FAM131A: variants seen among roughly 807,000 people sequenced by gnomAD.
FAM131A encodes the protein protein FAM131A.
In FAM131A, 24 loss-of-function variants were observed where a neutral mutation model predicts 39.2. That is an observed-to-expected ratio of 0.61 (90% CI 0.44 to 0.86). FAM131A has a LOEUF of 0.86. Among genes scored for constraint, FAM131A ranks in the 40% least tolerant of loss-of-function variants. The probability of loss-of-function intolerance (pLI) is 0.00; values close to 1 mark genes in which losing one functional copy is unlikely to be tolerated. For synonymous variants in FAM131A, 202 were observed against 206.8 expected, an observed-to-expected ratio of 0.98 and a Z score of 0.20; for missense variants, 373 against 481.2, an observed-to-expected ratio of 0.78 and a Z score of 2.10.
upstream of FAM131A, chr3:184,337,431 A>G (rs759503274): frequency 1.7e-5 from 10 of 588,026 alleles, no homozygotes; most frequent in Non-Finnish European, 3.0e-5. Flanking sequence ...CAGCTCCCCG[A>G]GTCCCAGAGA....
At chr3:184,338,909 A>C in intron 2 of FAM131A, 1 of 189,664 alleles carries the variant, frequency 5.3e-6, no homozygotes, top group South Asian at 8.6e-5. Context: ...GCTAAGAAAC[A>C]CCCAGCAGGT....
chr3:184,343,634 G>A (rs1204257590), intron 5 of FAM131A, among the ~76,000 whole-genome samples: 1 of 152,228 alleles, frequency 6.6e-6, no homozygotes, highest in Non-Finnish European at 1.5e-5. Context: ...GGAGACTGCT[G>A]CTGTGGTCTG....
chr3:184,338,705 GC>G, intron 2 of FAM131A, 176 bp downstream of exon 2: 1 of 750,612 alleles, frequency 1.3e-6, no homozygotes, highest in Non-Finnish European at 2.0e-6. Flanking sequence ...TCGGCGCTGT[GC>G]CAGCAGGCGG....
chr3:184,341,282 GGTT>G lies in FAM131A; in HGVS notation c.232-441_232-439del, dbSNP rs1293254879. On this transcript the variant is annotated intron_variant, in intron 2 of 5. Coordinates refer to ENST00000383847, the MANE Select transcript of FAM131A (RefSeq NM_144635.5). ...GCCAGACGTGGGGAGAAGGTGTGGG[GGTT>G]TGGTTTCCATCTTGCCGAGTCTGCC... 8 of 219,180 alleles carry G rather than the reference GGTT, an allele frequency of 3.6e-5. No homozygotes were observed. The East Asian group carries it at 1.1e-3, about 29-fold the overall frequency. 13.6% of individuals were successfully genotyped at this position (219,180 alleles called of 1,614,324 possible).
Position 184,342,371 on chromosome 3 carries a change from A to G in FAM131A, c.508+123A>G, listed in dbSNP as rs765749876. 4 of 1,192,202 alleles carry G rather than the reference A, an allele frequency of 3.4e-6. No homozygotes were observed. The highest frequency in any genetic ancestry group is 2.9e-5 in the Admixed American group (1 of 34,566). 73.9% of individuals were successfully genotyped at this position (1,192,202 alleles called of 1,614,324 possible). A position where few individuals can be genotyped will look rare whatever the true frequency, so the allele number is the denominator to read the frequency against. On this transcript the variant is annotated intron_variant, in intron 4 of 5. Coordinates refer to ENST00000383847, the MANE Select transcript of FAM131A (RefSeq NM_144635.5). This position sits in a 1 kb window ranked among gnomAD's most constrained non-coding sequence, Gnocchi z 4.6. The stretch of plus-strand genomic sequence containing the variant: ...CGCCCAGGCTGGAGTGCAGTGATGC[A>G]ATCTCAGCTCACTGCAACCTCTGCC...
At chr3:184,338,576 A>C (rs767518151) in intron 2 of FAM131A, 47 bp downstream of exon 2, 33 of 1,524,740 alleles carry the variant, frequency 2.2e-5, no homozygotes, top group Non-Finnish European at 2.8e-5. Flanking sequence ...CATCCATATA[A>C]AGGGGATCTG....
intron 2 of FAM131A, 73 bp from the exon 3 acceptor site, chr3:184,341,651 C>G (rs1727384394): frequency 4.6e-6 from 6 of 1,290,658 alleles, no homozygotes; most frequent in Middle Eastern, 1.8e-4. Flanking sequence ...CATGCCTTTG[C>G]TGGGTATGGG....
rs116476249 is a variant in FAM131A at position 184,342,699 on chromosome 3, G to A, written c.509-45G>A. ...TCTCCTGTCTTCAAGCTGAGCCCTA[G>A]ACTTAGCTCACCTTCTCTGCTTATG... On this transcript the variant is annotated intron_variant, in intron 4 of 5. Transcript: ENST00000383847. This position sits in a 1 kb window ranked among gnomAD's most constrained non-coding sequence, Gnocchi z 4.6. The A allele has an allele frequency of 0.015, 22,931 of 1,546,270 alleles. 233 individuals are homozygous for A. Among genetic ancestry groups the A allele is most frequent in the Non-Finnish European group, 0.019 (20,820 of 1,122,300 alleles).
At chr3:184,338,918 G>A (rs1176789717) in intron 2 of FAM131A, 1 of 191,518 alleles carries the variant, frequency 5.2e-6, no homozygotes, top group Non-Finnish European at 1.1e-5. Flanking sequence ...CACCCAGCAG[G>A]TGCTCCCCCG....
intron 2 of FAM131A, 38 bp from the exon 3 acceptor site, chr3:184,341,686 G>T (rs754948255): frequency 1.4e-5 from 22 of 1,569,494 alleles, no homozygotes; most frequent in Admixed American, 1.2e-4. Context: ...GGTCATTGCT[G>T]TCAGAGGGGC....
chr3:184,339,695 G>C (rs1326790048), intron 2 of FAM131A: 1 of 152,364 alleles, frequency 6.6e-6, no homozygotes, highest in East Asian at 1.9e-4. Flanking sequence ...CCCGACCTCA[G>C]GTGATCCGCC....
rs751932351 is a variant in FAM131A, at chr3:184,344,794, C to G, written c.925C>G (p.Pro309Ala). ...GGCCCAGGACTCACTCTACAACTCGCCCCTCACAGAGTCCTGCCTTTCCCC... is the reference window on the plus strand; with the variant it reads ...GGCCCAGGACTCACTCTACAACTCGGCCCTCACAGAGTCCTGCCTTTCCCC... ...LEAQDSLYNS[P>A]LTESCLSPAE... The change falls in exon 6 of 6, where the codon CCC becomes GCC. Residue 309 changes from proline (P) to alanine (A), a missense_variant. Physicochemically the swap from Pro to Ala is conservative, Grantham distance 27. Coordinates refer to ENST00000383847, the MANE Select transcript of FAM131A (RefSeq NM_144635.5). 2 of 1,612,284 alleles carry G rather than the reference C, an allele frequency of 1.2e-6. No homozygotes were observed. The highest frequency in any genetic ancestry group is 2.2e-5 in the East Asian group (1 of 44,888).
rs1191361866 is a variant in FAM131A at position 184,338,626 on chromosome 3, C to T, written c.231+97C>T. 2.7e-6 allele frequency: 4 copies of T among 1,473,350 alleles called. No homozygotes were observed. The East Asian group carries it at 7.6e-5, about 28-fold the overall frequency. 91.3% of individuals were successfully genotyped at this position (1,473,350 alleles called of 1,614,324 possible). Reference sequence around the variant, plus strand: ...GCCTGGCCAGCCAGCTTCTGGCTCCCTTTTCCGGCGGGCGGAGGCGCTATC... The same window carrying T: ...GCCTGGCCAGCCAGCTTCTGGCTCCTTTTTCCGGCGGGCGGAGGCGCTATC... On this transcript the variant is annotated intron_variant, in intron 2 of 5. Coordinates refer to ENST00000383847, the MANE Select transcript of FAM131A (RefSeq NM_144635.5).
In FAM131A at chr3:184,344,582, T is replaced by C; in HGVS notation, c.713T>C (p.Val238Ala). ...TCCCGGCCTGTGCGCCAGGGCTCCG[T>C]GGAGCCTGAGAGCGACTGCTCACAG... ...RFSRPVRQGS[V>A]EPESDCSQTV... is the part of the protein sequence containing the mutation. Residue 238 changes from valine (V) to alanine (A), a missense_variant, in exon 6 of 6, where the codon GTG (valine) becomes GCG (alanine). Transcript: ENST00000383847. The C allele has an allele frequency of 1.2e-6, 2 of 1,611,146 alleles. No homozygotes were observed. The highest frequency in any genetic ancestry group is 8.5e-7 in the Non-Finnish European group (1 of 1,178,434).
intron 2 of FAM131A, 35 bp downstream of exon 2, chr3:184,338,564 G>C (rs1317526589): frequency 1.3e-6 from 2 of 1,533,316 alleles, no homozygotes; most frequent in African/African-American, 2.7e-5. Flanking sequence ...GAAGGAGGAC[G>C]TCATCCATAT....
At position 184,345,437 on chromosome 3, in the gene FAM131A, T is replaced by G; in HGVS notation, c.*467T>G. On this transcript the variant is annotated 3_prime_UTR_variant, in exon 6 of 6. Transcript: ENST00000383847. ...AGTGCTTGATAGAATCACCCCCACCTGGAGGGGCTGGCTCCTGCCCTCCCG... is the reference window on the plus strand; with the variant it reads ...AGTGCTTGATAGAATCACCCCCACCGGGAGGGGCTGGCTCCTGCCCTCCCG... The G allele has an allele frequency of 2.9e-6, 2 of 682,132 alleles. No homozygotes were observed. The highest frequency in any genetic ancestry group is 3.1e-5 in the South Asian group (2 of 64,658). The allele number at this position is 682,132 out of a possible 1,614,324, so 42.3% of individuals were successfully genotyped here.
Position 184,345,121 on chromosome 3 carries a change from A to G in FAM131A, c.*151A>G. The G allele has an allele frequency of 2.5e-6, 2 of 795,228 alleles. No homozygotes were observed. The highest frequency in any genetic ancestry group is 3.8e-6 in the Non-Finnish European group (2 of 522,088). The allele number at this position is 795,228 out of a possible 1,614,324, so 49.3% of individuals were successfully genotyped here. On this transcript the variant is annotated 3_prime_UTR_variant, in exon 6 of 6. Coordinates refer to ENST00000383847, the MANE Select transcript of FAM131A (RefSeq NM_144635.5). Reference sequence around the variant, plus strand: ...GCTTCTCCGTTGTGTGTTTTGCATGAAAGTGTTTGGAGAGGAGGCAGGGGC... The same window carrying G: ...GCTTCTCCGTTGTGTGTTTTGCATGGAAGTGTTTGGAGAGGAGGCAGGGGC...
intron 5 of FAM131A, 91 bp from the exon 6 acceptor site, chr3:184,344,404 T>C: frequency 8.1e-7 from 1 of 1,237,632 alleles, no homozygotes; most frequent in South Asian, 1.5e-5. Flanking sequence ...CCTAGAGCTA[T>C]GCCAGGGGTG....
chr3:184,336,894 C>T (rs2293604), upstream of FAM131A, among the ~76,000 whole-genome samples: 46,094 of 152,150 alleles, frequency 0.3, 7,601 homozygotes, highest in Admixed American at 0.42. This position sits in a 1 kb window ranked among gnomAD's most constrained non-coding sequence, Gnocchi z 5.5. Flanking sequence ...TAGTCCTGTG[C>T]ATCAGAGGTC....
Sources: allele counts gnomAD v4.1 joint callset (sites outside exome capture counted in the v4.1 genomes callset), GRCh38; gene constraint gnomAD v4.1.1; non-coding constraint Gnocchi (gnomAD v3.1); transcripts MANE v1.5; gene names NCBI Gene and HGNC (gene_info 2026-07-23, HGNC 2026-07-21).